CMPK1: variants seen among roughly 807,000 people sequenced by gnomAD.
CMPK1 encodes the protein UMP-CMP kinase.
Under a neutral mutation model 25.7 loss-of-function variants are expected in CMPK1, and 10 were observed. That is an observed-to-expected ratio of 0.39 (90% CI 0.24 to 0.66). The LOEUF (loss-of-function observed/expected upper bound fraction) is 0.66, where lower values mean the gene tolerates loss of function less well. Among genes scored for constraint, CMPK1 ranks in the 30% least tolerant of loss-of-function variants. The pLI is 0.48. For missense variants in CMPK1, 199 were observed against 280.5 expected, an observed-to-expected ratio of 0.71 and a Z score of 2.08; for synonymous variants, 106 against 101.5, an observed-to-expected ratio of 1.04 and a Z score of -0.27.
At chr1:47,351,402 A>G (rs926752133) in intron 1 of CMPK1, among the ~76,000 whole-genome samples, 1 of 152,056 alleles carries the variant, frequency 6.6e-6, no homozygotes, top group South Asian at 2.1e-4. Flanking sequence ...AGCTTCCTCC[A>G]TGTTAGCATG....
chr1:47,353,115 G>A (rs1646534348), intron 1 of CMPK1, among the ~76,000 whole-genome samples: 1 of 152,198 alleles, frequency 6.6e-6, no homozygotes, highest in Non-Finnish European at 1.5e-5. Context: ...AGTTATGAAA[G>A]TGCTCCAATG....
chr1:47,360,250 A>C (rs903272260), intron 1 of CMPK1, among the ~76,000 whole-genome samples: 2 of 152,210 alleles, frequency 1.3e-5, no homozygotes, highest in Non-Finnish European at 2.9e-5. Context: ...AATGTAGGGA[A>C]TGCAAATTGA....
At chr1:47,363,218 A>C (rs1220553900) in intron 1 of CMPK1, among the ~76,000 whole-genome samples, 1 of 152,244 alleles carries the variant, frequency 6.6e-6, no homozygotes, top group Non-Finnish European at 1.5e-5. Flanking sequence ...GGTAACCCCC[A>C]TCATAAATGA....
rs779490247 is a variant in CMPK1, at chr1:47,334,123, C to T, written c.171+7C>T. 6.0e-6 allele frequency: 9 copies of T among 1,494,010 alleles called. No individual in the cohort carries two copies. The highest frequency in any genetic ancestry group is 8.1e-6 in the Non-Finnish European group (9 of 1,116,214). 92.5% of individuals were successfully genotyped at this position (1,494,010 alleles called of 1,614,324 possible). A position where few individuals can be genotyped will look rare whatever the true frequency, so the allele number is the denominator to read the frequency against. On this transcript the variant is annotated splice_region_variant and intron_variant, in intron 1 of 5. Coordinates refer to ENST00000371873, the MANE Select transcript of CMPK1 (RefSeq NM_016308.3). ...GTGCGCCCGCATCGTCGAGGTGAGG[C>T]CCGGGCAGCAGGCGGGCTCCTTGGG...
At chr1:47,334,177 C>A (rs889862267) in intron 1 of CMPK1, 61 bp downstream of exon 1, 1 of 1,311,032 alleles carries the variant, frequency 7.6e-7, no homozygotes. Context: ...CGGCCTGTCC[C>A]GCCGCCCCTA....
Position 47,334,178 on chromosome 1 carries a change from G to A in CMPK1, c.171+62G>A, listed in dbSNP as rs1277273016. ...GACGGGATGCGGGCCGGCCTGTCCC[G>A]CCGCCCCTAGTCCGCGCCCCGCGGA... On this transcript the variant is annotated intron_variant, in intron 1 of 5. Coordinates refer to ENST00000371873, the MANE Select transcript of CMPK1 (RefSeq NM_016308.3). 55 of 1,302,480 alleles carry A rather than the reference G, an allele frequency of 4.2e-5. No individual in the cohort carries two copies. The East Asian group carries it at 1.3e-3, about 31-fold the overall frequency. 80.7% of individuals were successfully genotyped at this position (1,302,480 alleles called of 1,614,324 possible).
intron 1 of CMPK1, among the ~76,000 whole-genome samples, chr1:47,354,287 C>T (rs763489402): frequency 4.2e-4 from 64 of 152,254 alleles, no homozygotes; most frequent in Admixed American, 9.2e-4. Context: ...TGTGATTGTG[C>T]CACTGTATTC....
At chr1:47,367,041 TA>T (rs1489433497) in intron 1 of CMPK1, among the ~76,000 whole-genome samples, 2 of 151,566 alleles carry the variant, frequency 1.3e-5, no homozygotes, top group South Asian at 2.1e-4. Flanking sequence ...TTCTTTCTTT[TA>T]AAAAAAAAGT....
intron 1 of CMPK1, among the ~76,000 whole-genome samples, chr1:47,342,642 CT>C (rs1421702982): frequency 4.2e-5 from 5 of 118,464 alleles, no homozygotes; most frequent in Non-Finnish European, 8.7e-5. Flanking sequence ...TCCTTTTTCT[CT>C]TTTTTCTTTT....
intron 1 of CMPK1, among the ~76,000 whole-genome samples, chr1:47,343,786 C>T (rs548674535): frequency 6.6e-6 from 1 of 151,850 alleles, no homozygotes; most frequent in South Asian, 2.1e-4. Context: ...ACTCAGGAGG[C>T]TGAGGCAGGA....
chr1:47,358,735 A>G, intron 1 of CMPK1: 3 of 984,730 alleles, frequency 3.0e-6, no homozygotes, highest in Non-Finnish European at 3.6e-6. Context: ...CTCCAAATTT[A>G]TTTCCCCATT....
chr1:47,342,778 T>C lies in CMPK1; in HGVS notation c.171+8662T>C, dbSNP rs1646451035. Among the ~76,000 whole-genome samples the C allele has an allele frequency of 4.6e-5, 7 of 150,906 alleles. No homozygotes were observed. In the South Asian group the frequency reaches 1.5e-3, roughly 32 times the overall value. ...AATTCTCCTGCCTCAGCCTCCCAAG[T>C]AGCTGGGATTACAGGCACTTGCCAC... On this transcript the variant is annotated intron_variant, in intron 1 of 5. Transcript: ENST00000371873.
chr1:47,369,601 C>T (rs1166549897), intron 2 of CMPK1, among the ~76,000 whole-genome samples: 4 of 151,388 alleles, frequency 2.6e-5, no homozygotes, highest in Admixed American at 2.6e-4. Context: ...CTCGCTCTGT[C>T]GCCAGGCTGG....
chr1:47,349,750 G>T (rs1391144428), intron 1 of CMPK1, among the ~76,000 whole-genome samples: 4 of 151,922 alleles, frequency 2.6e-5, no homozygotes, highest in African/African-American at 9.7e-5. Context: ...AAATGTTCTT[G>T]TTTGTTTGTT....
chr1:47,336,551 C>T (rs185112931), intron 1 of CMPK1, among the ~76,000 whole-genome samples: 157 of 152,092 alleles, frequency 1.0e-3, no homozygotes, highest in South Asian at 5.2e-3. Context: ...GAGATCGAGT[C>T]TCTCTGTGTC....
intron 5 of CMPK1, among the ~76,000 whole-genome samples, chr1:47,376,137 C>T (rs574291420): frequency 5.9e-5 from 9 of 151,458 alleles, no homozygotes; most frequent in Admixed American, 3.9e-4. Flanking sequence ...AAGCACTAAT[C>T]GAATGTAATA....
chr1:47,375,860 C>G (rs1466456890), intron 5 of CMPK1, among the ~76,000 whole-genome samples: 1 of 152,168 alleles, frequency 6.6e-6, no homozygotes, highest in Non-Finnish European at 1.5e-5. Context: ...AGGAACCTAA[C>G]CTCCCTTTCC....
At chr1:47,368,222 G>C (rs1450655175) in intron 1 of CMPK1, among the ~76,000 whole-genome samples, 1 of 152,094 alleles carries the variant, frequency 6.6e-6, no homozygotes, top group Admixed American at 6.6e-5. Context: ...GGGATTACAG[G>C]TGTGAGCCAC....
Position 47,366,651 on chromosome 1 carries a change from A to G in CMPK1, c.172-1818A>G, listed in dbSNP as rs375003288. ...ATGTGTATAGGTTTGACATCTTTAT[A>G]TTCATTTGAATTCTTTGTTTCCTTG... On this transcript the variant is annotated intron_variant, in intron 1 of 5. Transcript: ENST00000371873. 3.9e-5 allele frequency among the ~76,000 whole-genome samples: 6 copies of G among 152,182 alleles called. No homozygotes were observed. The South Asian group carries it at 1.2e-3, about 32-fold the overall frequency.
Sources: gnomAD v4.1 joint callset for allele counts (sites outside exome capture counted in the v4.1 genomes callset) on GRCh38, gnomAD v4.1.1 for gene constraint, MANE v1.5 for transcripts, NCBI Gene and HGNC (gene_info 2026-07-23, HGNC 2026-07-21) for gene names.